NCKIPSD: variants seen among roughly 807,000 people sequenced by gnomAD.
NCKIPSD encodes the protein NCK interacting protein with SH3 domain.
In NCKIPSD, 48 loss-of-function variants were observed where a neutral mutation model predicts 73.4. The observed-to-expected ratio is 0.65, with a 90% CI of 0.52 to 0.83. NCKIPSD has a LOEUF of 0.83. Ranked by LOEUF, NCKIPSD falls within the 40% of genes least tolerant of loss-of-function variation. The pLI, the probability that NCKIPSD is intolerant of heterozygous loss-of-function variation, is 0.00. For synonymous variants in NCKIPSD, 422 were observed against 403.6 expected (o/e 1.05, Z -0.54); for missense variants, 884 against 970.2 (o/e 0.91, Z 1.18).
In NCKIPSD at chr3:48,674,584, A is replaced by G. The variant is rs769979441; in HGVS notation, c.2129T>C (p.Met710Thr). The part of the protein sequence containing the change: ...CQMDRMIVRE[M>T]CKEFLVLGEA... ...CCCCAGCACCAGGAATTCCTTGCACATCTCTCGGACAATCATGCGGTCCAT... is the reference window on the plus strand; with the variant it reads ...CCCCAGCACCAGGAATTCCTTGCACGTCTCTCGGACAATCATGCGGTCCAT... Residue 710 changes from methionine (M) to threonine (T), a missense_variant, in exon 13 of 13, where the codon ATG (methionine) becomes ACG (threonine). Physicochemically the swap from Met to Thr is moderately conservative, Grantham distance 81. Coordinates refer to ENST00000294129, the MANE Select transcript of NCKIPSD (RefSeq NM_016453.4). The G allele has an allele frequency of 6.2e-7, 1 of 1,606,880 alleles. No individual in the cohort carries two copies. The highest frequency in any genetic ancestry group is 2.2e-5 in the East Asian group (1 of 44,740).
Position 48,680,220 on chromosome 3 carries a change from T to C in NCKIPSD, c.1102A>G (p.Met368Val). The stretch of plus-strand genomic sequence containing the variant: ...CAGACCTGCCCTGAGGGCAGGGCCA[T>C]GCTGAGGTCCTAGAGGGAGAGGGCA... ...LSLVEGKDLS[M>V]ALPSGQVCHD... Residue 368 changes from methionine (M) to valine (V), a missense_variant, in exon 6 of 13, where the codon ATG becomes GTG. Physicochemically the swap from Met to Val is conservative, Grantham distance 21. Transcript: ENST00000294129. 2 of 1,610,824 alleles carry C rather than the reference T, an allele frequency of 1.2e-6. No homozygotes were observed. The highest frequency in any genetic ancestry group is 1.7e-6 in the Non-Finnish European group (2 of 1,178,184).
At position 48,682,992 on chromosome 3, in the gene NCKIPSD, G is replaced by A; in HGVS notation, c.192C>T (p.Leu64=). ...CCTCGATGGCCCGGTCAATGGCCTGGAGGACATCCTGCTCCAGGCCCTGGG... is the reference window on the plus strand; with the variant it reads ...CCTCGATGGCCCGGTCAATGGCCTGAAGGACATCCTGCTCCAGGCCCTGGG... ...RRLQGLEQDV[L]QAIDRAIEAV... Residue 64 remains leucine, a synonymous_variant, in exon 2 of 13, where the codon CTC becomes CTT. Transcript: ENST00000294129. The A allele has an allele frequency of 3.2e-6, 5 of 1,550,882 alleles. No individual in the cohort carries two copies. Among genetic ancestry groups the A allele is most frequent in the Non-Finnish European group, 4.4e-6 (5 of 1,147,248 alleles).
chr3:48,685,651 G>A lies in NCKIPSD; in HGVS notation c.157C>T (p.Leu53=). 6.6e-7 allele frequency: 1 copy of A among 1,523,510 alleles called. No individual in the cohort carries two copies. Among genetic ancestry groups the A allele is most frequent in the Non-Finnish European group, 8.8e-7 (1 of 1,141,530 alleles). 94.4% of individuals were successfully genotyped at this position (1,523,510 alleles called of 1,614,324 possible). A position where few individuals can be genotyped will look rare whatever the true frequency, so the allele number is the denominator to read the frequency against. Reference sequence around the variant, plus strand: ...GGCGCACTCACCTGCAGGCGGCGCAGGTAGGCTGGCGGCACGTAGCCCGTC... The same window carrying A: ...GGCGCACTCACCTGCAGGCGGCGCAAGTAGGCTGGCGGCACGTAGCCCGTC... ...GETGYVPPAY[L]RRLQGLEQDV... Residue 53 remains leucine (L), a synonymous_variant, in exon 1 of 13, where the codon CTG becomes TTG. Coordinates refer to ENST00000294129, the MANE Select transcript of NCKIPSD (RefSeq NM_016453.4).
In NCKIPSD at chr3:48,678,605, T is replaced by G; in HGVS notation, c.1924A>C (p.Ile642Leu). Residue 642 changes from isoleucine (I) to leucine (L), a missense_variant, in exon 12 of 13, where the codon ATC (isoleucine) becomes CTC (leucine). By Grantham distance (5) the Ile-to-Leu change is conservative. Transcript: ENST00000294129. Reference protein sequence around the residue: ...YHTDMMALIDITVRHIADLSP... With the variant: ...YHTDMMALIDLTVRHIADLSP... ...AGGTCTGCGATGTGCCGCACAGTGA[T>G]GTCAATGAGAGCCATCATGTCTGTG... 2 of 1,614,116 alleles carry G rather than the reference T, an allele frequency of 1.2e-6. No individual in the cohort carries two copies. The highest frequency in any genetic ancestry group is 1.7e-6 in the Non-Finnish European group (2 of 1,179,998).
At position 48,681,511 on chromosome 3, in the gene NCKIPSD, G is replaced by A. The variant is rs776126940; in HGVS notation, c.868C>T (p.Leu290=). Residue 290 remains leucine (L), a synonymous_variant, in exon 5 of 13, where the codon CTG becomes TTG. Coordinates refer to ENST00000294129, the MANE Select transcript of NCKIPSD (RefSeq NM_016453.4). ...GTGGTCCCCAGGCTCAGTGTACCCA[G>A]GGCTTCCAGGTCATCAGAGGCTGAG... The part of the protein sequence containing the change: ...TTSASDDLEA[L]GTLSLGTTEE... 1.9e-6 allele frequency: 3 copies of A among 1,614,166 alleles called. No homozygotes were observed. Among genetic ancestry groups the A allele is most frequent in the Non-Finnish European group, 2.5e-6 (3 of 1,180,040 alleles).
chr3:48,678,343 T>TCTCCCTCCA (rs545673158), intron 12 of NCKIPSD, among the ~76,000 whole-genome samples: 25 of 152,208 alleles, frequency 1.6e-4, no homozygotes, highest in Admixed American at 1.6e-3. Context: ...CCATGCCTCA[T>TCTCCCTCCA]CTCCCTCCAC....
At position 48,674,265 on chromosome 3, in the gene NCKIPSD, G is replaced by T; in HGVS notation, c.*279C>A. 1 of 1,329,264 alleles carries T rather than the reference G, an allele frequency of 7.5e-7. No homozygotes were observed. Among genetic ancestry groups the T allele is most frequent in the South Asian group, 1.6e-5 (1 of 62,810 alleles). 82.3% of individuals were successfully genotyped at this position (1,329,264 alleles called of 1,614,324 possible). The stretch of plus-strand genomic sequence containing the variant: ...CAGCAGGACTCTGAGTGTACACATG[G>T]GTGTGGGGTGAAGAGGGGGGCATGC... On this transcript the variant is annotated 3_prime_UTR_variant, in exon 13 of 13. Coordinates refer to ENST00000294129, the MANE Select transcript of NCKIPSD (RefSeq NM_016453.4).
At chr3:48,677,034 C>T (rs1486545240) in intron 12 of NCKIPSD, among the ~76,000 whole-genome samples, 2 of 150,830 alleles carry the variant, frequency 1.3e-5, no homozygotes, top group Non-Finnish European at 3.0e-5. Flanking sequence ...ACCTCAGCCT[C>T]CCAAAGTGCT....
In NCKIPSD at chr3:48,685,720, T is replaced by G. The variant is rs903898486; in HGVS notation, c.88A>C (p.Ser30Arg). 4 of 1,532,776 alleles carry G rather than the reference T, an allele frequency of 2.6e-6. No individual in the cohort carries two copies. The highest frequency in any genetic ancestry group is 3.5e-6 in the Non-Finnish European group (4 of 1,146,336). 94.9% of individuals were successfully genotyped at this position (1,532,776 alleles called of 1,614,324 possible). ...AGETFLVLER[S>R]SAHWWLAARA... ...GCGGCCAGCCACCAGTGCGCGCTGC[T>G]TCGCTCTAGCACCAGGAAGGTCTCG... The change falls in exon 1 of 13, where the codon AGC (serine) becomes CGC (arginine). Residue 30 changes from serine to arginine, a missense_variant. By Grantham distance (110) the Ser-to-Arg change is moderately radical. Transcript: ENST00000294129.
At chr3:48,678,477 C>G in intron 12 of NCKIPSD, 87 bp downstream of exon 12, 1 of 1,458,808 alleles carries the variant, frequency 6.9e-7, no homozygotes, top group East Asian at 2.5e-5. Flanking sequence ...GGCCTTGCCC[C>G]CTCATCTCCA....
intron 5 of NCKIPSD, among the ~76,000 whole-genome samples, chr3:48,680,957 C>G (rs9877501): frequency 0.2 from 30,723 of 151,926 alleles, 4,559 homozygotes; most frequent in African/African-American, 0.42. Context: ...ACCCGCATGT[C>G]GTCTTATCTG....
chr3:48,680,150 C>T lies in NCKIPSD; in HGVS notation c.1172G>A (p.Arg391His), dbSNP rs866457213. 8.7e-6 allele frequency: 14 copies of T among 1,613,860 alleles called. No homozygotes were observed. In the African/African-American group the frequency reaches 9.3e-5, roughly 11 times the overall value. Residue 391 changes from arginine to histidine, a missense_variant, in exon 6 of 13, where the codon CGC (arginine) becomes CAC (histidine). Physicochemically the swap from Arg to His is conservative, Grantham distance 29. Coordinates refer to ENST00000294129, the MANE Select transcript of NCKIPSD (RefSeq NM_016453.4). ...GCGCTGCTGGGCGTCGTCCTTCCGG[C>T]GAGCCAGGTCTGCAAAGATCACCTC... ...RLEVIFADLA[R>H]RKDDAQQRSW...
At position 48,681,388 on chromosome 3, in the gene NCKIPSD, A is replaced by AT; in HGVS notation, c.990dup (p.Cys331MetfsTer75). 6.2e-7 allele frequency: 1 copy of AT among 1,612,476 alleles called. No homozygotes were observed. The highest frequency in any genetic ancestry group is 8.5e-7 in the Non-Finnish European group (1 of 1,179,074). On this transcript the variant is annotated frameshift_variant, in exon 5 of 13. Coordinates refer to ENST00000294129, the MANE Select transcript of NCKIPSD (RefSeq NM_016453.4). LOFTEE classifies it high-confidence loss of function. Reference sequence around the variant, plus strand: ...ACTATGATGCCGATGGCCACCCGGCATAATTCGTGGCTCAGGCCAGTGTTT... The same window carrying AT: ...ACTATGATGCCGATGGCCACCCGGCATTAATTCGTGGCTCAGGCCAGTGTTT...
At chr3:48,675,999 C>G (rs2077251502) in intron 12 of NCKIPSD, among the ~76,000 whole-genome samples, 1 of 152,178 alleles carries the variant, frequency 6.6e-6, no homozygotes, top group South Asian at 2.1e-4. Flanking sequence ...TAAGTCCCAG[C>G]CCTGGGAGTC....
chr3:48,683,790 G>A lies in NCKIPSD; in HGVS notation c.172-778C>T, dbSNP rs528247265. ...ACCAGCTACCCCCAGCCCTCCCCTG[G>A]CCCTGGCACACGTAGTCCATCAGGC... On this transcript the variant is annotated intron_variant, in intron 1 of 12. Transcript: ENST00000294129. Among the ~76,000 whole-genome samples the A allele has an allele frequency of 2.6e-5, 4 of 152,202 alleles. No homozygotes were observed. The South Asian group carries it at 8.3e-4, about 32-fold the overall frequency.
In NCKIPSD at chr3:48,679,442, CAG is replaced by C. The variant is rs765001163; in HGVS notation, c.1503_1504del (p.Cys502LeufsTer22). The C allele has an allele frequency of 1.6e-5, 26 of 1,613,294 alleles. No individual in the cohort carries two copies. The highest frequency in any genetic ancestry group is 2.2e-5 in the Non-Finnish European group (26 of 1,179,534). ...CATGGCCAGGATGAGGGCAGAGTAA[CAG>C]AGTTTCTGGTGGTCTGGGGGGGACA... On this transcript the variant is annotated frameshift_variant, in exon 9 of 13. Coordinates refer to ENST00000294129, the MANE Select transcript of NCKIPSD (RefSeq NM_016453.4). LOFTEE classifies it high-confidence loss of function.
chr3:48,681,171 A>G lies in NCKIPSD; in HGVS notation c.1092+116T>C. On this transcript the variant is annotated intron_variant, in intron 5 of 12. Transcript: ENST00000294129. Reference sequence around the variant, plus strand: ...GCTCAACGTCCCCAGTGCCCAGCACAGTAAGAGCTCAGAGCCAGAGCTTGA... The same window carrying G: ...GCTCAACGTCCCCAGTGCCCAGCACGGTAAGAGCTCAGAGCCAGAGCTTGA... 4.2e-6 allele frequency: 6 copies of G among 1,435,742 alleles called. No individual in the cohort carries two copies. In the Admixed American group the frequency reaches 7.0e-5, roughly 17 times the overall value. 88.9% of individuals were successfully genotyped at this position (1,435,742 alleles called of 1,614,324 possible).
chr3:48,681,948 T>A, intron 4 of NCKIPSD, 97 bp downstream of exon 4: 1 of 1,497,602 alleles, frequency 6.7e-7, no homozygotes, highest in Non-Finnish European at 9.0e-7. Context: ...CCTGTCCTCT[T>A]CCCCAGCTTA....
At position 48,685,623 on chromosome 3, in the gene NCKIPSD, A is replaced by G; in HGVS notation, c.171+14T>C. The G allele has an allele frequency of 6.6e-7, 1 of 1,515,474 alleles. No homozygotes were observed. The highest frequency in any genetic ancestry group is 8.8e-7 in the Non-Finnish European group (1 of 1,138,180). The allele number at this position is 1,515,474 out of a possible 1,614,324, so 93.9% of individuals were successfully genotyped here. ...CCAGGGGCGCGGAGGCCGGGCGGGA[A>G]GGGGCGCACTCACCTGCAGGCGGCG... is the stretch of plus-strand genomic sequence containing the variant. On this transcript the variant is annotated intron_variant, in intron 1 of 12. Coordinates refer to ENST00000294129, the MANE Select transcript of NCKIPSD (RefSeq NM_016453.4).
Sources: allele counts gnomAD v4.1 joint callset (sites outside exome capture counted in the v4.1 genomes callset), GRCh38; gene constraint gnomAD v4.1.1; transcripts MANE v1.5; gene names NCBI Gene and HGNC (gene_info 2026-07-23, HGNC 2026-07-21).